The following RANBP2 variants were observed in gnomAD, a reference collection of about 807,000 sequenced individuals.
RANBP2 encodes E3 SUMO-protein ligase RanBP2.
Under a neutral mutation model 303.6 loss-of-function variants are expected in RANBP2, and 57 were observed. The observed-to-expected ratio is 0.19, with a 90% CI of 0.15 to 0.23. The LOEUF (loss-of-function observed/expected upper bound fraction) is 0.23, where lower values mean the gene tolerates loss of function less well. RANBP2 is among the 10% of genes least tolerant of loss of function. The pLI, the probability that RANBP2 is intolerant of heterozygous loss-of-function variation, is 1.00. For missense variants in RANBP2, 3,138 were observed against 3,780.8 expected, an observed-to-expected ratio of 0.83 and a Z score of 4.46; for synonymous variants, 1,167 against 1,301.5, an observed-to-expected ratio of 0.90 and a Z score of 2.23.
At chr2:109,223,435 T>A in the RANBP2 span, among the ~76,000 whole-genome samples, 1 of 152,196 alleles carries the variant, frequency 6.6e-6, no homozygotes, top group African/African-American at 2.4e-5. Flanking sequence ...CTTTGATTCC[T>A]CGGTTATTTC....
At chr2:109,364,159 G>GT in the RANBP2 span, among the ~76,000 whole-genome samples, 1,935 of 141,724 alleles carry the variant, frequency 0.014, 23 homozygotes, top group African/African-American at 0.03. Flanking sequence ...CTCCATTATG[G>GT]TTTTTTTTTT....
At chr2:108,721,306 G>C (rs1415747809) in intron 1 of RANBP2, among the ~76,000 whole-genome samples, 3 of 152,194 alleles carry the variant, frequency 2.0e-5, no homozygotes, top group African/African-American at 4.8e-5. Flanking sequence ...TCCTCCAGAG[G>C]AGGAGGATAG....
At chr2:109,126,954 G>A in the RANBP2 span, among the ~76,000 whole-genome samples, 1 of 152,162 alleles carries the variant, frequency 6.6e-6, no homozygotes, top group Non-Finnish European at 1.5e-5. Flanking sequence ...CATCCTGGGT[G>A]CTCTAAAAAA....
chr2:108,962,622 C>T, the RANBP2 span, among the ~76,000 whole-genome samples: 4 of 142,102 alleles, frequency 2.8e-5, no homozygotes, highest in Admixed American at 7.6e-5. Context: ...TTGCAGAGAG[C>T]CGAGATCGCT....
At chr2:109,297,426 T>G in the RANBP2 span, among the ~76,000 whole-genome samples, 1 of 152,096 alleles carries the variant, frequency 6.6e-6, no homozygotes, top group Admixed American at 6.5e-5. Flanking sequence ...AAGAGGCCTG[T>G]GTACCCACCC....
the RANBP2 span, among the ~76,000 whole-genome samples, chr2:109,527,749 T>A: frequency 2.6e-5 from 4 of 152,236 alleles, no homozygotes; most frequent in African/African-American, 9.7e-5. Flanking sequence ...AAAGATTTTT[T>A]TAAAAAATAA....
At chr2:109,080,325 G>A in the RANBP2 span, among the ~76,000 whole-genome samples, 6 of 152,172 alleles carry the variant, frequency 3.9e-5, no homozygotes, top group Non-Finnish European at 7.3e-5. Flanking sequence ...GGCAGCAGGG[G>A]AGACTGCCCC....
chr2:109,652,415 C>G, the RANBP2 span, among the ~76,000 whole-genome samples: 1 of 151,972 alleles, frequency 6.6e-6, no homozygotes, highest in African/African-American at 2.4e-5. Flanking sequence ...TTAGTAGAGA[C>G]GGGGTTTCAC....
chr2:109,719,183 G>C, the RANBP2 span, among the ~76,000 whole-genome samples: 2 of 142,694 alleles, frequency 1.4e-5, no homozygotes, highest in South Asian at 4.6e-4. Context: ...CGCAACCTCC[G>C]CCTCCCAGGT....
chr2:109,603,991 C>A, the RANBP2 span, among the ~76,000 whole-genome samples: 1 of 151,440 alleles, frequency 6.6e-6, no homozygotes, highest in Admixed American at 6.6e-5. Context: ...GAAACCCCAT[C>A]TCTACTAAAA....
At chr2:108,758,670 TTTATATG>T in intron 18 of RANBP2, 122 bp downstream of exon 18, 1 of 1,527,928 alleles carries the variant, frequency 6.5e-7, no homozygotes, top group African/African-American at 1.4e-5. Context: ...TCAACGTCTG[TTTATATG>T]TGACTTCAAA....
At chr2:109,371,057 C>A in the RANBP2 span, among the ~76,000 whole-genome samples, 1 of 152,186 alleles carries the variant, frequency 6.6e-6, no homozygotes, top group Admixed American at 6.5e-5. Context: ...GCCAGGCTTT[C>A]CCATATGGGG....
chr2:108,765,088 A>G lies in RANBP2; in HGVS notation c.4549A>G (p.Thr1517Ala), dbSNP rs751118849. 2.5e-5 allele frequency: 40 copies of G among 1,613,820 alleles called. No homozygotes were observed. Among genetic ancestry groups the G allele is most frequent in the Non-Finnish European group, 3.2e-5 (38 of 1,179,956 alleles). The change falls in exon 20 of 29, where the codon ACA (threonine) becomes GCA (alanine). Residue 1517 changes from threonine (T) to alanine (A), a missense_variant. Coordinates refer to ENST00000283195, the MANE Select transcript of RANBP2 (RefSeq NM_006267.5). ...GAGTCTACCTGCTACTTCTATTCCA[A>G]CACCTGCCTCTTTTAAGTTTGGTAC... ...KQSLPATSIP[T>A]PASFKFGTSE...
chr2:109,210,395 C>T, the RANBP2 span, among the ~76,000 whole-genome samples: 2 of 152,198 alleles, frequency 1.3e-5, no homozygotes, highest in Non-Finnish European at 1.5e-5. Flanking sequence ...CTTTTCCGTG[C>T]TCCCTCGTTT....
chr2:109,167,316 C>T, the RANBP2 span, among the ~76,000 whole-genome samples: 1 of 152,164 alleles, frequency 6.6e-6, no homozygotes, highest in African/African-American at 2.4e-5. Flanking sequence ...CCAATTAGAA[C>T]AAGACTTCTC....
At chr2:108,874,858 T>C in the RANBP2 span, among the ~76,000 whole-genome samples, 1 of 152,288 alleles carries the variant, frequency 6.6e-6, no homozygotes, top group South Asian at 2.1e-4. Context: ...AGTTACCTTA[T>C]GGTGCCATGA....
chr2:109,614,583 G>C, the RANBP2 span: 1 of 1,407,972 alleles, frequency 7.1e-7, no homozygotes, highest in Non-Finnish European at 9.2e-7. Context: ...GGCCCTGCAC[G>C]CCGAGCTGGT....
the RANBP2 span, among the ~76,000 whole-genome samples, chr2:109,135,672 G>A: frequency 6.6e-6 from 1 of 152,110 alleles, no homozygotes; most frequent in South Asian, 2.1e-4. Context: ...GTGCATGGGG[G>A]GGTGTGTGTG....
chr2:109,449,111 A>C, the RANBP2 span: 1 of 1,540,834 alleles, frequency 6.5e-7, no homozygotes. Flanking sequence ...GCTGCCTGGC[A>C]GGCATGGCAA....
Sources: gnomAD v4.1 joint callset for allele counts (sites outside exome capture counted in the v4.1 genomes callset) on GRCh38, gnomAD v4.1.1 for gene constraint, MANE v1.5 for transcripts, NCBI Gene and HGNC (gene_info 2026-07-23, HGNC 2026-07-21) for gene names.